The following CACNB4 variants were observed in gnomAD, a reference collection of about 807,000 sequenced individuals.
CACNB4 encodes the protein voltage-dependent L-type calcium channel subunit beta-4.
CACNB4 carries 32 observed loss-of-function variants against 71.2 expected under a neutral mutation model. The ratio of observed to expected loss-of-function variants is 0.45; its 90% confidence interval spans 0.34 to 0.60. The LOEUF is 0.60. Ranked by LOEUF, CACNB4 falls within the 20% of genes least tolerant of loss-of-function variation. The pLI, the probability that CACNB4 is intolerant of heterozygous loss-of-function variation, is 0.01. For missense variants in CACNB4, 464 were observed against 647.9 expected (o/e 0.72, Z 3.08); for synonymous variants, 231 against 236.9 (o/e 0.97, Z 0.23).
chr2:152,096,299 C>T (rs1212803439), intron 2 of CACNB4, among the ~76,000 whole-genome samples: 5 of 151,394 alleles, frequency 3.3e-5, no homozygotes, highest in East Asian at 2.0e-4. Context: ...CTGGCTAACA[C>T]GGTGAAACCC....
chr2:151,913,469 T>C (rs1464286610), intron 2 of CACNB4, among the ~76,000 whole-genome samples: 2 of 152,086 alleles, frequency 1.3e-5, no homozygotes, highest in Non-Finnish European at 2.9e-5. Context: ...AAAATTCTTT[T>C]AAGAATATTG....
At chr2:152,088,630 G>C (rs1687802856) in intron 2 of CACNB4, among the ~76,000 whole-genome samples, 1 of 152,184 alleles carries the variant, frequency 6.6e-6, no homozygotes, top group Non-Finnish European at 1.5e-5. Context: ...AAATGAAATA[G>C]ACACGATTTG....
At chr2:152,065,158 A>G (rs1560173954) in intron 2 of CACNB4, among the ~76,000 whole-genome samples, 1 of 152,170 alleles carries the variant, frequency 6.6e-6, no homozygotes, top group Non-Finnish European at 1.5e-5. Context: ...CGAGGTGGGC[A>G]GATCATTTGA....
intron 2 of CACNB4, among the ~76,000 whole-genome samples, chr2:151,964,841 T>C (rs1242112144): frequency 6.6e-6 from 1 of 152,206 alleles, no homozygotes; most frequent in Non-Finnish European, 1.5e-5. Flanking sequence ...AAATCTAATG[T>C]CTACCCAGCC....
At chr2:152,016,743 T>C (rs1683368145) in intron 2 of CACNB4, among the ~76,000 whole-genome samples, 1 of 152,250 alleles carries the variant, frequency 6.6e-6, no homozygotes, top group Admixed American at 6.5e-5. Flanking sequence ...GATATCTTTA[T>C]GTAGAGCCAC....
intron 2 of CACNB4, among the ~76,000 whole-genome samples, chr2:151,903,691 G>A (rs1387913563): frequency 6.6e-6 from 1 of 152,138 alleles, no homozygotes; most frequent in Non-Finnish European, 1.5e-5. Flanking sequence ...CATCCACACT[G>A]TGTGGCACAT....
chr2:152,003,224 C>A (rs1341170579), intron 2 of CACNB4, among the ~76,000 whole-genome samples: 1 of 152,144 alleles, frequency 6.6e-6, no homozygotes, highest in Non-Finnish European at 1.5e-5. Flanking sequence ...AGGCAGATTG[C>A]CTGAGGTCAG....
At chr2:152,086,885 C>G (rs1362406751) in intron 2 of CACNB4, among the ~76,000 whole-genome samples, 1 of 152,144 alleles carries the variant, frequency 6.6e-6, no homozygotes. Context: ...AATCCCAACA[C>G]TTTAGGAGGC....
At chr2:152,029,630 T>C (rs1684173805) in intron 2 of CACNB4, among the ~76,000 whole-genome samples, 1 of 152,032 alleles carries the variant, frequency 6.6e-6, no homozygotes, top group Non-Finnish European at 1.5e-5. Flanking sequence ...ATGGTCTGAA[T>C]GTTTGTGTCC....
chr2:152,098,806 A>C lies in CACNB4; in HGVS notation c.63+143T>G. On this transcript the variant is annotated intron_variant, in intron 1 of 13. Coordinates refer to ENST00000539935, the MANE Select transcript of CACNB4 (RefSeq NM_000726.5). This position sits in a 1 kb window ranked among gnomAD's most constrained non-coding sequence, Gnocchi z 5.3. ...GGAGCGGGAGGAGAAAGGGACGTGGAGGAGGGGTGGGGGGAGCGGGGCCGC... is the reference window on the plus strand; with the variant it reads ...GGAGCGGGAGGAGAAAGGGACGTGGCGGAGGGGTGGGGGGAGCGGGGCCGC... 2.1e-6 allele frequency: 1 copy of C among 482,434 alleles called. No individual in the cohort carries two copies. The highest frequency in any genetic ancestry group is 3.2e-5 in the Admixed American group (1 of 30,826). The allele number at this position is 482,434 out of a possible 1,614,324, so 29.9% of individuals were successfully genotyped here.
At chr2:151,843,556 T>A (rs1479056141) in intron 12 of CACNB4, among the ~76,000 whole-genome samples, 1 of 152,146 alleles carries the variant, frequency 6.6e-6, no homozygotes, top group African/African-American at 2.4e-5. Flanking sequence ...GCTCCAGCGA[T>A]CCTCCTGCCT....
intron 2 of CACNB4, among the ~76,000 whole-genome samples, chr2:152,067,931 T>C (rs1240045697): frequency 6.6e-6 from 1 of 152,140 alleles, no homozygotes; most frequent in Non-Finnish European, 1.5e-5. Context: ...CTTGAAGAGG[T>C]AATATTAAAA....
chr2:152,003,806 A>G (rs1480809999), intron 2 of CACNB4, among the ~76,000 whole-genome samples: 3 of 152,134 alleles, frequency 2.0e-5, no homozygotes, highest in African/African-American at 4.8e-5. Flanking sequence ...GGATGGAGGA[A>G]AAGGAATATT....
intron 2 of CACNB4, among the ~76,000 whole-genome samples, chr2:151,938,341 T>C (rs2099863443): frequency 6.6e-6 from 1 of 152,222 alleles, no homozygotes; most frequent in Non-Finnish European, 1.5e-5. Flanking sequence ...TTAGAATGAA[T>C]ATGAAATAGA....
intron 2 of CACNB4, among the ~76,000 whole-genome samples, chr2:152,047,518 T>C (rs746050303): frequency 6.6e-6 from 1 of 152,226 alleles, no homozygotes. Flanking sequence ...GCCAAACCAG[T>C]GTATAATACC....
At chr2:152,044,524 C>T (rs1685044984) in intron 2 of CACNB4, among the ~76,000 whole-genome samples, 1 of 152,056 alleles carries the variant, frequency 6.6e-6, no homozygotes, top group Admixed American at 6.6e-5. Flanking sequence ...GGCCTTAAAG[C>T]AAATTATTAA....
chr2:151,911,472 TTCTATCAATGACTTGCG>T (rs1028741701), intron 2 of CACNB4, among the ~76,000 whole-genome samples: 2 of 152,206 alleles, frequency 1.3e-5, no homozygotes, highest in Non-Finnish European at 2.9e-5. Flanking sequence ...TTGAGATGTG[TTCTATCAATGACTTGCG>T]TATGTTGAAC....
chr2:152,037,925 T>G lies in CACNB4; in HGVS notation c.147+60405A>C, dbSNP rs59668247. The stretch of plus-strand genomic sequence containing the variant: ...GCAGGGAGCTGGCCGGGCCCCAGCC[T>G]GCAGTGAACACAGAGCCAGGCTGCA... On this transcript the variant is annotated intron_variant, in intron 2 of 13. Transcript: ENST00000539935. Among the ~76,000 whole-genome samples, 790 of 152,262 alleles carry G rather than the reference T, an allele frequency of 5.2e-3. 22 individuals are homozygous for G. In the East Asian group the frequency reaches 0.079, roughly 15 times the overall value.
At chr2:151,984,879 A>G (rs1441523270) in intron 2 of CACNB4, among the ~76,000 whole-genome samples, 2 of 152,160 alleles carry the variant, frequency 1.3e-5, no homozygotes, top group Non-Finnish European at 2.9e-5. Context: ...TCCTCAAAAC[A>G]CATGCTTATG....
Sources: allele counts gnomAD v4.1 joint callset (sites outside exome capture counted in the v4.1 genomes callset), GRCh38; gene constraint gnomAD v4.1.1; non-coding constraint Gnocchi (gnomAD v3.1); transcripts MANE v1.5; gene names NCBI Gene and HGNC (gene_info 2026-07-23, HGNC 2026-07-21).